SPAG17: variants seen among roughly 807,000 people sequenced by gnomAD.
SPAG17 encodes sperm associated antigen 17, also known as sperm-associated antigen 17.
SPAG17 carries 169 observed loss-of-function variants against 273.6 expected under a neutral mutation model. That is an observed-to-expected ratio of 0.62 (90% confidence interval 0.55 to 0.70). SPAG17 has a LOEUF of 0.70. Ranked by LOEUF, SPAG17 falls within the 30% of genes least tolerant of loss-of-function variation. The probability of loss-of-function intolerance (pLI) is 0.00; values close to 1 mark genes in which losing one functional copy is unlikely to be tolerated. For synonymous variants in SPAG17, 825 were observed against 873.2 expected, an observed-to-expected ratio of 0.94 and a Z score of 0.97; for missense variants, 2,557 against 2,627.8, an observed-to-expected ratio of 0.97 and a Z score of 0.59.
intron 19 of SPAG17, among the ~76,000 whole-genome samples, chr1:118,054,386 T>C (rs1263361873): frequency 6.6e-6 from 1 of 152,110 alleles, no homozygotes; most frequent in African/African-American, 2.4e-5. Flanking sequence ...TTTCACCTAA[T>C]AATCCTAGTT....
At position 117,994,422 on chromosome 1, in the gene SPAG17, G is replaced by C. The variant is rs571805770; in HGVS notation, c.5162C>G (p.Thr1721Arg). ...PPNLRSRSWE[T>R]FPSVEKKTPG... ...ATTATATACCTCAACTGAGGGAAATGTTTCCCATGACCTTGACCGGAGATT... is the reference window on the plus strand; with the variant it reads ...ATTATATACCTCAACTGAGGGAAATCTTTCCCATGACCTTGACCGGAGATT... Residue 1721 changes from threonine (T) to arginine (R), a missense_variant, in exon 35 of 49, where the codon ACA becomes AGA. Coordinates refer to ENST00000336338, the MANE Select transcript of SPAG17 (RefSeq NM_206996.4). The C allele has an allele frequency of 8.1e-6, 13 of 1,612,304 alleles. No homozygotes were observed. Among genetic ancestry groups the C allele is most frequent in the Non-Finnish European group, 1.1e-5 (13 of 1,179,018 alleles).
At chr1:117,960,728 T>C (rs1432646004) in intron 48 of SPAG17, 1 of 152,268 alleles carries the variant, frequency 6.6e-6, no homozygotes, top group Non-Finnish European at 1.5e-5. Context: ...CAGTTCATTT[T>C]ATGCAGCTAT....
At chr1:118,041,781 G>A (rs1293501407) in intron 21 of SPAG17, 22 bp downstream of exon 21, 2 of 1,598,530 alleles carry the variant, frequency 1.3e-6, no homozygotes, top group African/African-American at 1.4e-5. Flanking sequence ...AAGAGACTAA[G>A]TTTTACAGAA....
At chr1:118,055,638 T>C in intron 19 of SPAG17, 95 bp downstream of exon 19, 1 of 1,100,230 alleles carries the variant, frequency 9.1e-7, no homozygotes. Context: ...GGTAATTCTT[T>C]TTAATATTGA....
chr1:118,122,985 A>T (rs1657506921), intron 3 of SPAG17, among the ~76,000 whole-genome samples: 1 of 152,210 alleles, frequency 6.6e-6, no homozygotes, highest in Admixed American at 6.5e-5. Flanking sequence ...GTCCAATCTG[A>T]AAAGGACAAA....
chr1:118,074,157 G>T (rs542516502), intron 16 of SPAG17, among the ~76,000 whole-genome samples, 190 bp from the exon 17 acceptor site: 28 of 151,786 alleles, frequency 1.8e-4, no homozygotes, highest in African/African-American at 6.0e-4. Context: ...TTTTTTTATG[G>T]GCAACATAAT....
rs755014320 is a variant in SPAG17 at position 118,036,824 on chromosome 1, CT to C, written c.3378del (p.Glu1127LysfsTer8). ...CTTATCGAGAGGCAGATTCCATTTT[CT>C]AAGGTGGCAGAAAAAGATCCAAACT... ...FSKFGSFSAT[L>X]ENGICLSISY... On this transcript the variant is annotated frameshift_variant, in exon 24 of 49. Coordinates refer to ENST00000336338, the MANE Select transcript of SPAG17 (RefSeq NM_206996.4). LOFTEE classifies it high-confidence loss of function. 6.4e-7 allele frequency: 1 copy of C among 1,561,690 alleles called. No homozygotes were observed. The highest frequency in any genetic ancestry group is 1.2e-5 in the South Asian group (1 of 84,676).
In SPAG17 at chr1:118,086,822, T is replaced by C. The variant is rs528677113; in HGVS notation, c.1498-38A>G. 1.9e-5 allele frequency: 31 copies of C among 1,613,986 alleles called. 1 individual carries two copies. The South Asian group carries it at 2.7e-4, about 14-fold the overall frequency. On this transcript the variant is annotated intron_variant, in intron 11 of 48. Transcript: ENST00000336338. The stretch of plus-strand genomic sequence containing the variant: ...AAACAATATTGATTTAAAGAGAGGA[T>C]CTATACTTTTCCAAAGCATGAAGAC...
chr1:118,134,650 C>A (rs1048527721), intron 3 of SPAG17, among the ~76,000 whole-genome samples: 8 of 152,160 alleles, frequency 5.3e-5, no homozygotes, highest in African/African-American at 1.9e-4. Context: ...GCCCCCCATA[C>A]CTAAAGGATA....
intron 20 of SPAG17, among the ~76,000 whole-genome samples, chr1:118,043,251 C>T (rs1282502708): frequency 1.3e-5 from 2 of 152,150 alleles, no homozygotes; most frequent in Non-Finnish European, 2.9e-5. Context: ...ATGCCTGAGA[C>T]ATTTCGAGAG....
intron 3 of SPAG17, among the ~76,000 whole-genome samples, chr1:118,148,951 C>T (rs941236378): frequency 6.6e-6 from 1 of 152,168 alleles, no homozygotes; most frequent in Admixed American, 6.5e-5. Flanking sequence ...TCCAGATGTG[C>T]AACCTGTCCT....
At chr1:117,995,695 A>AACACACACAC (rs10570645) in intron 34 of SPAG17, among the ~76,000 whole-genome samples, 2 of 140,750 alleles carry the variant, frequency 1.4e-5, no homozygotes, top group East Asian at 2.3e-4. Context: ...AAGATGAAAT[A>AACACACACAC]ACACACACAC....
intron 19 of SPAG17, among the ~76,000 whole-genome samples, chr1:118,054,717 T>C (rs1223698790): frequency 6.6e-6 from 1 of 152,050 alleles, no homozygotes; most frequent in East Asian, 1.9e-4. Context: ...TAGTCCTATC[T>C]ATTTATTTTT....
intron 3 of SPAG17, among the ~76,000 whole-genome samples, chr1:118,144,162 G>A (rs956662422): frequency 2.6e-5 from 4 of 152,188 alleles, no homozygotes; most frequent in Non-Finnish European, 5.9e-5. Context: ...TAGAACTCCA[G>A]GTTTCTGATC....
chr1:118,185,092 G>C lies in SPAG17; in HGVS notation c.66C>G (p.Leu22=), dbSNP rs772723432. The change falls in exon 1 of 49, where the codon CTC becomes CTG. Residue 22 remains leucine (L), a synonymous_variant. Transcript: ENST00000336338. Reference sequence around the variant, plus strand: ...TCACCTGATTGAACTGTGCAGCTATGAGCGAGGGTTCCCATATCTTAGAAC... The same window carrying C: ...TCACCTGATTGAACTGTGCAGCTATCAGCGAGGGTTCCCATATCTTAGAAC... The part of the protein sequence containing the change: ...NTSSKIWEPS[L]IAAQFNQNDW... 1 of 1,614,186 alleles carries C rather than the reference G, an allele frequency of 6.2e-7. No homozygotes were observed. Among genetic ancestry groups the C allele is most frequent in the Non-Finnish European group, 8.5e-7 (1 of 1,179,992 alleles).
chr1:118,120,667 G>T (rs1169131891), intron 3 of SPAG17, among the ~76,000 whole-genome samples: 1 of 152,178 alleles, frequency 6.6e-6, no homozygotes, highest in East Asian at 1.9e-4. Flanking sequence ...ACTTGTCTTT[G>T]TTTGGATTTA....
intron 3 of SPAG17, among the ~76,000 whole-genome samples, chr1:118,135,412 T>A (rs1216739028): frequency 7.2e-6 from 1 of 138,576 alleles, no homozygotes; most frequent in Admixed American, 7.1e-5. Context: ...TGTGTGTGTA[T>A]GTGTGTGTGT....
chr1:118,164,886 C>A (rs932798736), intron 1 of SPAG17, among the ~76,000 whole-genome samples: 6 of 152,090 alleles, frequency 3.9e-5, no homozygotes, highest in African/African-American at 1.2e-4. Flanking sequence ...GAGGAATAAC[C>A]ATTGTGTAAA....
chr1:118,171,096 T>C (rs535162507), intron 1 of SPAG17, among the ~76,000 whole-genome samples: 1 of 152,136 alleles, frequency 6.6e-6, no homozygotes, highest in Non-Finnish European at 1.5e-5. Flanking sequence ...TAGGCTATAA[T>C]GAAGGCATGA....
Sources: allele counts gnomAD v4.1 joint callset (sites outside exome capture counted in the v4.1 genomes callset), GRCh38; gene constraint gnomAD v4.1.1; transcripts MANE v1.5; gene names NCBI Gene and HGNC (gene_info 2026-07-23, HGNC 2026-07-21).